THOP1: variants seen among roughly 807,000 people sequenced by gnomAD.
The protein encoded by THOP1 is thimet oligopeptidase.
THOP1 carries 49 observed loss-of-function variants against 71.8 expected under a neutral mutation model. That is an observed-to-expected ratio of 0.68 (90% CI 0.54 to 0.87). THOP1 has a LOEUF of 0.87. Among genes scored for constraint, THOP1 ranks in the 40% least tolerant of loss-of-function variants. The pLI, the probability that THOP1 is intolerant of heterozygous loss-of-function variation, is 0.00. For missense variants in THOP1, 843 were observed against 975.6 expected (o/e 0.86, Z 1.81); for synonymous variants, 426 against 421.5 (o/e 1.01, Z -0.13).
At position 2,797,080 on chromosome 19, in the gene THOP1, C is replaced by T. The variant is rs753888068; in HGVS notation, c.486+892C>T. 5.6e-4 allele frequency among the ~76,000 whole-genome samples: 86 copies of T among 152,244 alleles called. No homozygotes were observed. The Middle Eastern group carries it at 0.014, about 24-fold the overall frequency. On this transcript the variant is annotated intron_variant, in intron 4 of 12. Coordinates refer to ENST00000307741, the MANE Select transcript of THOP1 (RefSeq NM_003249.5). ...CGCCACATGGGAAGCATGGCTGGGT[C>T]AGGAGGTGTGCTCTGGGCAGGGCCT...
chr19:2,811,660 T>C lies in THOP1; in HGVS notation c.1834T>C (p.Tyr612His). ...TGGCTACGACGCCCAGTACTACGGG[T>C]ACCTGTGGAGCGAGGTGTATTCCAT... Reference protein sequence around the residue: ...AGGYDAQYYGYLWSEVYSMDM... With the variant: ...AGGYDAQYYGHLWSEVYSMDM... Residue 612 changes from tyrosine to histidine, a missense_variant, in exon 12 of 13, where the codon TAC becomes CAC. Physicochemically the swap from Tyr to His is moderately conservative, Grantham distance 83. Transcript: ENST00000307741. The C allele has an allele frequency of 6.2e-7, 1 of 1,613,466 alleles. No individual in the cohort carries two copies. The highest frequency in any genetic ancestry group is 8.5e-7 in the Non-Finnish European group (1 of 1,179,978).
chr19:2,789,289 G>A lies in THOP1; in HGVS notation c.17-1132G>A, dbSNP rs549762980. On this transcript the variant is annotated intron_variant, in intron 1 of 12. Coordinates refer to ENST00000307741, the MANE Select transcript of THOP1 (RefSeq NM_003249.5). Reference sequence around the variant, plus strand: ...TTTGCTGGCCCCCTGGGCCCTGCACGGTTAGGTGTTTCCAGGTGGTTTTGC... The same window carrying A: ...TTTGCTGGCCCCCTGGGCCCTGCACAGTTAGGTGTTTCCAGGTGGTTTTGC... 1.4e-3 allele frequency among the ~76,000 whole-genome samples: 211 copies of A among 152,310 alleles called. 1 individual carries two copies. The highest frequency in any genetic ancestry group is 4.5e-3 in the African/African-American group (187 of 41,564).
In THOP1 at chr19:2,813,391, G is replaced by T; in HGVS notation, c.*115G>T. On this transcript the variant is annotated 3_prime_UTR_variant, in exon 13 of 13. Transcript: ENST00000307741. ...AGTGCCTGGGACTGGCAGGGTGGCT[G>T]AGCGGCTGTCTTGCCTCTTGTCATT... The T allele has an allele frequency of 7.7e-7, 1 of 1,300,498 alleles. No homozygotes were observed. The highest frequency in any genetic ancestry group is 1.5e-5 in the South Asian group (1 of 65,358). 80.6% of individuals were successfully genotyped at this position (1,300,498 alleles called of 1,614,324 possible).
Position 2,796,064 on chromosome 19 carries a change from T to C in THOP1, c.379-17T>C. On this transcript the variant is annotated splice_polypyrimidine_tract_variant and intron_variant, in intron 3 of 12. Transcript: ENST00000307741. Reference sequence around the variant, plus strand: ...GCACTGGCCCACGTCCTACATGCTTTGATGTTTTTATTCCAGGAGAAAGTT... The same window carrying C: ...GCACTGGCCCACGTCCTACATGCTTCGATGTTTTTATTCCAGGAGAAAGTT... 2 of 1,606,992 alleles carry C rather than the reference T, an allele frequency of 1.2e-6. No individual in the cohort carries two copies. Among genetic ancestry groups the C allele is most frequent in the South Asian group, 1.1e-5 (1 of 90,914 alleles).
At chr19:2,787,757 T>C (rs912368170) in intron 1 of THOP1, among the ~76,000 whole-genome samples, 8 of 152,112 alleles carry the variant, frequency 5.3e-5, no homozygotes, top group Non-Finnish European at 1.0e-4. Flanking sequence ...TCTGGGGACA[T>C]TTGTGGTTGT....
chr19:2,793,124 G>A lies in THOP1; in HGVS notation c.230-1640G>A, dbSNP rs1915923479. On this transcript the variant is annotated intron_variant, in intron 2 of 12. Transcript: ENST00000307741. ...CGGGAGGCGGAGGTGGCGGTGAGCC[G>A]AGATCACACCATTGCACTCCAGCCT... 2.0e-5 allele frequency among the ~76,000 whole-genome samples: 3 copies of A among 151,238 alleles called. No homozygotes were observed. In the South Asian group the frequency reaches 6.3e-4, roughly 32 times the overall value.
At chr19:2,786,672 G>A (rs1915749555) in intron 1 of THOP1, among the ~76,000 whole-genome samples, 1 of 151,774 alleles carries the variant, frequency 6.6e-6, no homozygotes, top group African/African-American at 2.4e-5. Flanking sequence ...GCTCACACAG[G>A]CTCACCGCAA....
At chr19:2,810,581 C>G (rs1916436097) in intron 10 of THOP1, 59 bp from the exon 11 acceptor site, 1 of 1,531,254 alleles carries the variant, frequency 6.5e-7, no homozygotes, top group African/African-American at 1.4e-5. Flanking sequence ...GGTCGGAGCT[C>G]TGGGCAGAGT....
chr19:2,790,238 T>A (rs931443009), intron 1 of THOP1, among the ~76,000 whole-genome samples, 183 bp from the exon 2 acceptor site: 1 of 152,158 alleles, frequency 6.6e-6, no homozygotes, highest in African/African-American at 2.4e-5. Context: ...CTGGATGGGA[T>A]TGATGGCAGA....
chr19:2,805,378 C>G lies in THOP1; in HGVS notation c.750+202C>G, dbSNP rs1916265657. Among the ~76,000 whole-genome samples the G allele has an allele frequency of 6.6e-6, 1 of 152,204 alleles. No individual in the cohort carries two copies. The highest frequency in any genetic ancestry group is 6.5e-5 in the Admixed American group (1 of 15,282). ...GTCTGTGCTGGGCTCCACCCAGACC[C>G]TGGGGCCACAGCTCAGGGCCCAGTT... On this transcript the variant is annotated intron_variant, in intron 6 of 12. Coordinates refer to ENST00000307741, the MANE Select transcript of THOP1 (RefSeq NM_003249.5). The surrounding 1 kb of genome is among the most constrained non-coding windows in gnomAD (Gnocchi z 6.6).
rs145885129 is a variant in THOP1 at position 2,806,288 on chromosome 19, G to A, written c.751-629G>A. 8.5e-3 allele frequency: 1,295 copies of A among 152,910 alleles called. 22 individuals are homozygous for A. The highest frequency in any genetic ancestry group is 0.03 in the African/African-American group (1,238 of 41,542). 9.5% of individuals were successfully genotyped at this position (152,910 alleles called of 1,614,324 possible). On this transcript the variant is annotated intron_variant, in intron 6 of 12. Coordinates refer to ENST00000307741, the MANE Select transcript of THOP1 (RefSeq NM_003249.5). ...AGGGCCAGGCCAAGAGGGCGCACAC[G>A]GGTGGGCTGAGTTCCAGGTCCCGGG...
chr19:2,810,491 G>A lies in THOP1; in HGVS notation c.1642+1G>A. The A allele has an allele frequency of 6.4e-7, 1 of 1,550,624 alleles. No individual in the cohort carries two copies. The highest frequency in any genetic ancestry group is 8.7e-7 in the Non-Finnish European group (1 of 1,147,474). ...ATTGAGTCCCGGCAGGCCAACACAG[G>A]TGCACCCGCCCCGTCCGGGGAAGGG... On this transcript the variant is annotated splice_donor_variant, in intron 10 of 12. Transcript: ENST00000307741. LOFTEE classifies it high-confidence loss of function.
chr19:2,790,206 C>T (rs1173819215), intron 1 of THOP1, among the ~76,000 whole-genome samples: 1 of 152,188 alleles, frequency 6.6e-6, no homozygotes, highest in African/African-American at 2.4e-5. Flanking sequence ...CCACATGTGT[C>T]CTAGATGTCA....
In THOP1 at chr19:2,815,257, A is replaced by T. The variant is rs1009182058; in HGVS notation, c.*1981A>T. ...CCCCAGCTGGGCCCTGGGCCATCAC[A>T]GCCTTGTCACACACACAGCCTGGCC... On this transcript the variant is annotated 3_prime_UTR_variant, in exon 13 of 13. Transcript: ENST00000307741. 1 of 152,292 alleles carries T rather than the reference A, an allele frequency of 6.6e-6. No individual in the cohort carries two copies. Among genetic ancestry groups the T allele is most frequent in the Non-Finnish European group, 1.5e-5 (1 of 68,142 alleles). The allele number at this position is 152,292 out of a possible 1,614,324, so 9.4% of individuals were successfully genotyped here.
chr19:2,804,776 G>A lies in THOP1; in HGVS notation c.590-240G>A. ...TGGGGGGTTTCCTGGTGGGGTTAGA[G>A]GCGGGACGTGAGAAACGTGGCAGGT... On this transcript the variant is annotated intron_variant, in intron 5 of 12. Coordinates refer to ENST00000307741, the MANE Select transcript of THOP1 (RefSeq NM_003249.5). The surrounding 1 kb of genome is among the most constrained non-coding windows in gnomAD (Gnocchi z 4.7). 4.0e-6 allele frequency: 2 copies of A among 500,128 alleles called. No homozygotes were observed. The highest frequency in any genetic ancestry group is 7.1e-6 in the Non-Finnish European group (2 of 281,552). 31.0% of individuals were successfully genotyped at this position (500,128 alleles called of 1,614,324 possible). A position where few individuals can be genotyped will look rare whatever the true frequency, so the allele number is the denominator to read the frequency against.
chr19:2,807,313 G>T lies in THOP1; in HGVS notation c.887-129G>T, dbSNP rs566638628. On this transcript the variant is annotated intron_variant, in intron 7 of 12. Coordinates refer to ENST00000307741, the MANE Select transcript of THOP1 (RefSeq NM_003249.5). ...CGTGAGGATGCTCGGCCCCTCGAGG[G>T]GTTGCCGGGAACTGCGGGTCCTCCC... 10 of 1,395,824 alleles carry T rather than the reference G, an allele frequency of 7.2e-6. No homozygotes were observed. The African/African-American group carries it at 1.3e-4, about 18-fold the overall frequency. 86.5% of individuals were successfully genotyped at this position (1,395,824 alleles called of 1,614,324 possible).
rs372929573 is a variant in THOP1, at chr19:2,808,228, T to C, written c.1254-15T>C. ...CTCTAGTCCCTGCGGGGCCTGACGCTGCCTCCCTCCCCAGGGAAGGAAAGT... is the reference window on the plus strand; with the variant it reads ...CTCTAGTCCCTGCGGGGCCTGACGCCGCCTCCCTCCCCAGGGAAGGAAAGT... On this transcript the variant is annotated splice_polypyrimidine_tract_variant and intron_variant, in intron 8 of 12. Coordinates refer to ENST00000307741, the MANE Select transcript of THOP1 (RefSeq NM_003249.5). 370 of 1,545,628 alleles carry C rather than the reference T, an allele frequency of 2.4e-4. No homozygotes were observed. The highest frequency in any genetic ancestry group is 3.1e-4 in the Non-Finnish European group (349 of 1,143,664).
At position 2,806,724 on chromosome 19, in the gene THOP1, A is replaced by T. The variant is rs1294559988; in HGVS notation, c.751-193A>T. ...AGTCATCTGCACCCCTTCTGGTTCC[A>T]AAAAGGCCTTGGGATTATGATAACG... On this transcript the variant is annotated intron_variant, in intron 6 of 12. Transcript: ENST00000307741. 4 of 913,336 alleles carry T rather than the reference A, an allele frequency of 4.4e-6. No homozygotes were observed. In the African/African-American group the frequency reaches 6.7e-5, roughly 15 times the overall value. 56.6% of individuals were successfully genotyped at this position (913,336 alleles called of 1,614,324 possible).
At chr19:2,796,249 G>C in intron 4 of THOP1, 61 bp downstream of exon 4, 1 of 1,359,786 alleles carries the variant, frequency 7.4e-7, no homozygotes, top group East Asian at 2.5e-5. Context: ...GGAGTGCTGG[G>C]CACAGGGAGT....
Sources: gnomAD v4.1 joint callset for allele counts (sites outside exome capture counted in the v4.1 genomes callset) on GRCh38, gnomAD v4.1.1 for gene constraint, Gnocchi (gnomAD v3.1) non-coding constraint, MANE v1.5 for transcripts, NCBI Gene and HGNC (gene_info 2026-07-23, HGNC 2026-07-21) for gene names.